CCSER1: variants seen among roughly 807,000 people sequenced by gnomAD.
CCSER1 encodes the protein serine-rich coiled-coil domain-containing protein 1.
A neutral mutation model predicts 82.0 loss-of-function variants in CCSER1; 41 were observed. The observed-to-expected ratio is 0.50, with a 90% CI of 0.39 to 0.65. The LOEUF (loss-of-function observed/expected upper bound fraction) is 0.65, where lower values mean the gene tolerates loss of function less well. Among genes scored for constraint, CCSER1 ranks in the 30% least tolerant of loss-of-function variants. The probability of loss-of-function intolerance (pLI) is 0.00; values close to 1 mark genes in which losing one functional copy is unlikely to be tolerated. For missense variants in CCSER1, 1,119 were observed against 1,064.2 expected, an observed-to-expected ratio of 1.05 and a Z score of -0.72; for synonymous variants, 414 against 383.9, an observed-to-expected ratio of 1.08 and a Z score of -0.92.
intron 10 of CCSER1, among the ~76,000 whole-genome samples, chr4:91,217,141 G>C (rs947072557): frequency 6.6e-6 from 1 of 151,880 alleles, no homozygotes; most frequent in African/African-American, 2.4e-5. Context: ...TTCACGGTGA[G>C]TGTTACAGCT....
intron 10 of CCSER1, among the ~76,000 whole-genome samples, chr4:91,252,869 T>C (rs1740361355): frequency 6.6e-6 from 1 of 152,070 alleles, no homozygotes; most frequent in Non-Finnish European, 1.5e-5. Context: ...AAGATAGTAA[T>C]GCAGGAAATG....
intron 10 of CCSER1, among the ~76,000 whole-genome samples, chr4:91,445,425 C>A (rs1187219085): frequency 6.8e-6 from 1 of 146,722 alleles, no homozygotes; most frequent in African/African-American, 2.5e-5. Context: ...GCCATCTTTT[C>A]CTCTCTCTCT....
intron 10 of CCSER1, among the ~76,000 whole-genome samples, chr4:91,227,477 A>G (rs1041196974): frequency 1.3e-5 from 2 of 151,618 alleles, no homozygotes; most frequent in Non-Finnish European, 2.9e-5. Context: ...TGAAGACAAA[A>G]CTATTTTGCA....
intron 10 of CCSER1, among the ~76,000 whole-genome samples, chr4:91,464,386 C>T (rs562508628): frequency 6.6e-6 from 1 of 152,208 alleles, no homozygotes; most frequent in African/African-American, 2.4e-5. Context: ...CCGGTACCAG[C>T]CACTGCAAAA....
chr4:90,572,008 G>A (rs921995204), intron 5 of CCSER1, among the ~76,000 whole-genome samples: 13 of 151,912 alleles, frequency 8.6e-5, no homozygotes, highest in Non-Finnish European at 1.8e-4. Context: ...TTACTCATTG[G>A]CATTTTCTTT....
At chr4:90,779,474 C>T (rs1753452816) in intron 7 of CCSER1, among the ~76,000 whole-genome samples, 1 of 152,094 alleles carries the variant, frequency 6.6e-6, no homozygotes, top group Admixed American at 6.5e-5. Context: ...TTATGTGCTG[C>T]TGCATTCTCA....
chr4:91,096,386 G>A (rs1054513203), intron 10 of CCSER1, among the ~76,000 whole-genome samples: 8 of 152,310 alleles, frequency 5.3e-5, no homozygotes, highest in African/African-American at 1.7e-4. Flanking sequence ...AACTTTAGGG[G>A]CTGGCTTCCC....
At chr4:90,136,367 A>G (rs1158672868) in intron 1 of CCSER1, among the ~76,000 whole-genome samples, 3 of 152,162 alleles carry the variant, frequency 2.0e-5, no homozygotes, top group Non-Finnish European at 4.4e-5. Context: ...GAAAAGGTAA[A>G]AAAAGAAGTG....
intron 6 of CCSER1, among the ~76,000 whole-genome samples, chr4:90,697,035 G>A (rs1737108657): frequency 6.6e-6 from 1 of 152,150 alleles, no homozygotes; most frequent in Non-Finnish European, 1.5e-5. Flanking sequence ...AGCATTCTGG[G>A]ATGAGATAAG....
intron 1 of CCSER1, among the ~76,000 whole-genome samples, chr4:90,283,035 C>T (rs981826739): frequency 6.6e-6 from 1 of 151,922 alleles, no homozygotes; most frequent in African/African-American, 2.4e-5. Flanking sequence ...AAATAAACGG[C>T]TTTGCTTTAC....
At chr4:91,105,963 C>A (rs1725570391) in intron 10 of CCSER1, among the ~76,000 whole-genome samples, 1 of 151,944 alleles carries the variant, frequency 6.6e-6, no homozygotes, top group East Asian at 1.9e-4. Context: ...CTGCTCCAAA[C>A]CTTACTGGGG....
At chr4:90,256,422 A>C (rs1723293097) in intron 1 of CCSER1, among the ~76,000 whole-genome samples, 1 of 152,134 alleles carries the variant, frequency 6.6e-6, no homozygotes, top group African/African-American at 2.4e-5. Context: ...AGAAACTTCA[A>C]ATCGGAGAAA....
At chr4:90,905,648 G>T (rs11943351) in intron 8 of CCSER1, among the ~76,000 whole-genome samples, 1 of 152,052 alleles carries the variant, frequency 6.6e-6, no homozygotes, top group African/African-American at 2.4e-5. Flanking sequence ...CTTATTGGAA[G>T]TCTATCTCTC....
chr4:91,331,225 T>A (rs551882061), intron 10 of CCSER1, among the ~76,000 whole-genome samples: 3 of 152,296 alleles, frequency 2.0e-5, no homozygotes, highest in East Asian at 3.9e-4. Context: ...AATAACTCAA[T>A]TTTTTATTGC....
At chr4:90,493,910 T>A (rs1768520996) in intron 5 of CCSER1, among the ~76,000 whole-genome samples, 1 of 152,098 alleles carries the variant, frequency 6.6e-6, no homozygotes, top group Non-Finnish European at 1.5e-5. Context: ...AATTCACACA[T>A]AACAATAAAT....
At chr4:90,604,982 A>C (rs1449599675) in intron 5 of CCSER1, among the ~76,000 whole-genome samples, 1 of 149,040 alleles carries the variant, frequency 6.7e-6, no homozygotes, top group Non-Finnish European at 1.5e-5. Flanking sequence ...CCCAGCCAGC[A>C]GCGGCAACTG....
At chr4:90,850,287 G>A (rs1452712162) in intron 8 of CCSER1, among the ~76,000 whole-genome samples, 1 of 152,176 alleles carries the variant, frequency 6.6e-6, no homozygotes, top group African/African-American at 2.4e-5. Context: ...ATGGCCCAGT[G>A]GGGACTCTAT....
At chr4:91,088,131 G>A (rs1723569311) in intron 10 of CCSER1, among the ~76,000 whole-genome samples, 1 of 152,068 alleles carries the variant, frequency 6.6e-6, no homozygotes, top group Non-Finnish European at 1.5e-5. Flanking sequence ...AAATTGAAAT[G>A]TGAGGGTTTA....
At chr4:91,591,934 G>T (rs747283280) in intron 10 of CCSER1, among the ~76,000 whole-genome samples, 2 of 152,018 alleles carry the variant, frequency 1.3e-5, no homozygotes, top group Non-Finnish European at 2.9e-5. Flanking sequence ...TATTGCTTTG[G>T]TGGTTTTGAA....
Sources: allele counts gnomAD v4.1 joint callset (sites outside exome capture counted in the v4.1 genomes callset), GRCh38; gene constraint gnomAD v4.1.1; transcripts MANE v1.5; gene names NCBI Gene and HGNC (gene_info 2026-07-23, HGNC 2026-07-21).